The following MYOM3 variants were observed in gnomAD, a reference collection of about 807,000 sequenced individuals.
The protein encoded by MYOM3 is myomesin 3, also known as myomesin-3.
A neutral mutation model predicts 191.7 loss-of-function variants in MYOM3; 155 were observed. That is an observed-to-expected ratio of 0.81 (90% CI 0.71 to 0.92). MYOM3 has a LOEUF of 0.92. MYOM3 is among the 40% of genes least tolerant of loss of function. MYOM3 has a pLI of 0.00. For missense variants in MYOM3, 1,889 were observed against 1,890.6 expected (o/e 1.00, Z 0.02); for synonymous variants, 757 against 762.9 (o/e 0.99, Z 0.13).
At chr1:24,100,692 C>T (rs533882328) in intron 5 of MYOM3, among the ~76,000 whole-genome samples, 1 of 152,270 alleles carries the variant, frequency 6.6e-6, no homozygotes, top group East Asian at 1.9e-4. Context: ...CGAGACTATC[C>T]TGGCTAACAC....
At chr1:24,065,748 G>T (rs769748084) in intron 29 of MYOM3, 143 bp downstream of exon 29, 6 of 717,310 alleles carry the variant, frequency 8.4e-6, no homozygotes, top group Admixed American at 2.1e-5. Flanking sequence ...TGAGTTTTTT[G>T]GTGCCTCTTA....
intron 5 of MYOM3, among the ~76,000 whole-genome samples, chr1:24,100,716 T>C (rs6667708): frequency 0.35 from 53,587 of 151,784 alleles, 9,714 homozygotes; most frequent in Non-Finnish European, 0.37. Context: ...GAAACCCCGT[T>C]TCTCCTAAAA....
intron 25 of MYOM3, among the ~76,000 whole-genome samples, chr1:24,068,778 C>T (rs953688306): frequency 1.3e-5 from 2 of 152,076 alleles, no homozygotes; most frequent in African/African-American, 4.8e-5. Context: ...GGCTGGAGTG[C>T]AGTGGCGCAA....
In MYOM3 at chr1:24,082,048, C is replaced by T; in HGVS notation, c.2233G>A (p.Asp745Asn). 6.2e-7 allele frequency: 1 copy of T among 1,612,156 alleles called. No individual in the cohort carries two copies. The highest frequency in any genetic ancestry group is 8.5e-7 in the Non-Finnish European group (1 of 1,179,878). ...FLDQHDSEEL[D>N]WHAVNQQPIP... The stretch of plus-strand genomic sequence containing the variant: ...GGCTGCTGATTGACCGCATGCCAGT[C>T]CAGCTCTTCCGAGTCATGCTGGTCC... The change falls in exon 18 of 37, where the codon GAC (aspartate) becomes AAC (asparagine). Residue 745 changes from aspartate (D) to asparagine (N), a missense_variant. Asp to Asn is a conservative substitution (Grantham distance 23, BLOSUM62 1). Transcript: ENST00000374434.
At chr1:24,107,430 T>G (rs1266667031) in intron 3 of MYOM3, among the ~76,000 whole-genome samples, 198 bp from the exon 4 acceptor site, 1 of 152,212 alleles carries the variant, frequency 6.6e-6, no homozygotes, top group Non-Finnish European at 1.5e-5. Context: ...GTTGACTGTT[T>G]TCATTGTTTT....
chr1:24,058,850 T>C (rs1643333543), intron 36 of MYOM3, 74 bp downstream of exon 36: 1 of 1,110,132 alleles, frequency 9.0e-7, no homozygotes, highest in African/African-American at 1.5e-5. Context: ...TGCTGCATTG[T>C]TTCGTGATCT....
Position 24,087,997 on chromosome 1 carries a change from C to A in MYOM3, c.1615-1170G>T, listed in dbSNP as rs989999944. Among the ~76,000 whole-genome samples, 3 of 152,190 alleles carry A rather than the reference C, an allele frequency of 2.0e-5. No homozygotes were observed. Among genetic ancestry groups the A allele is most frequent in the Non-Finnish European group, 4.4e-5 (3 of 68,042 alleles). ...GGTAACTTGGCCAAAAGTCCTGCAT[C>A]TAATAACTGGTGGATATAGTATTAA... On this transcript the variant is annotated intron_variant, in intron 14 of 36. Coordinates refer to ENST00000374434, the MANE Select transcript of MYOM3 (RefSeq NM_152372.4). The surrounding 1 kb of genome is among the most constrained non-coding windows in gnomAD (Gnocchi z 4.5).
At chr1:24,089,695 G>A (rs1340081247) in intron 13 of MYOM3, 30 bp from the exon 14 acceptor site, 1 of 1,550,674 alleles carries the variant, frequency 6.4e-7, no homozygotes, top group African/African-American at 1.4e-5. Flanking sequence ...GGACCGAGAT[G>A]GTTGGACCCT....
chr1:24,064,317 C>T (rs1434159467), intron 29 of MYOM3, 158 bp from the exon 30 acceptor site: 6 of 588,166 alleles, frequency 1.0e-5, no homozygotes, highest in Admixed American at 3.1e-5. Flanking sequence ...CTCATCTGGG[C>T]TGGGTGAGCT....
chr1:24,086,761 C>G lies in MYOM3; in HGVS notation c.1681G>C (p.Ala561Pro). ...SESPVRSPRF[A>P]VLDLEKKKSY... Reference sequence around the variant, plus strand: ...TTCTTTTTCTCCAGGTCCAGAACGGCGAATCTCGGGGATCTCACAGGGCTT... The same window carrying G: ...TTCTTTTTCTCCAGGTCCAGAACGGGGAATCTCGGGGATCTCACAGGGCTT... Residue 561 changes from alanine (A) to proline (P), a missense_variant, in exon 15 of 37, where the codon GCC (alanine) becomes CCC (proline). Coordinates refer to ENST00000374434, the MANE Select transcript of MYOM3 (RefSeq NM_152372.4). 1.2e-6 allele frequency: 2 copies of G among 1,614,202 alleles called. No homozygotes were observed. Among genetic ancestry groups the G allele is most frequent in the Non-Finnish European group, 1.7e-6 (2 of 1,180,020 alleles).
intron 36 of MYOM3, among the ~76,000 whole-genome samples, chr1:24,057,955 C>T (rs752902336): frequency 5.9e-5 from 9 of 152,004 alleles, no homozygotes; most frequent in South Asian, 2.1e-4. Context: ...TACAGGTGCC[C>T]GCCACCAAGC....
At position 24,066,015 on chromosome 1, in the gene MYOM3, G is replaced by A. The variant is rs1390301210; in HGVS notation, c.3424-14C>T. Reference sequence around the variant, plus strand: ...GGTGTTGGTCACCTGGGGAAGGTGGGGAATGAGGAGACTCTGTCAGGCTTG... The same window carrying A: ...GGTGTTGGTCACCTGGGGAAGGTGGAGAATGAGGAGACTCTGTCAGGCTTG... On this transcript the variant is annotated splice_polypyrimidine_tract_variant and intron_variant, in intron 28 of 36. Transcript: ENST00000374434. 6.6e-7 allele frequency: 1 copy of A among 1,522,940 alleles called. No individual in the cohort carries two copies. Among genetic ancestry groups the A allele is most frequent in the Non-Finnish European group, 9.1e-7 (1 of 1,096,486 alleles). 94.3% of individuals were successfully genotyped at this position (1,522,940 alleles called of 1,614,324 possible). A position where few individuals can be genotyped will look rare whatever the true frequency, so the allele number is the denominator to read the frequency against.
At chr1:24,071,868 G>T in intron 24 of MYOM3, 101 bp downstream of exon 24, 1 of 1,205,820 alleles carries the variant, frequency 8.3e-7, no homozygotes, top group Non-Finnish European at 1.2e-6. Flanking sequence ...TGTCCCTCTG[G>T]GGTTGTTTCC....
chr1:24,071,912 A>T, intron 24 of MYOM3, 57 bp downstream of exon 24: 1 of 1,568,614 alleles, frequency 6.4e-7, no homozygotes, highest in Non-Finnish European at 8.8e-7. Flanking sequence ...TGCTCAGAAC[A>T]TGCCAATGGG....
At position 24,063,129 on chromosome 1, in the gene MYOM3, T is replaced by TG; in HGVS notation, c.3766dup (p.His1256ProfsTer10). 6.2e-7 allele frequency: 1 copy of TG among 1,605,268 alleles called. No homozygotes were observed. Among genetic ancestry groups the TG allele is most frequent in the South Asian group, 1.1e-5 (1 of 90,936 alleles). On this transcript the variant is annotated frameshift_variant, in exon 32 of 37. Transcript: ENST00000374434. LOFTEE classifies it high-confidence loss of function. This position sits in a 1 kb window ranked among gnomAD's most constrained non-coding sequence, Gnocchi z 4.5. Reference sequence around the variant, plus strand: ...TTCTGGGGCAAGGCGGACTTACTTGTGGAACCAGGTGGTTTTCATGTACTC... The same window carrying TG: ...TTCTGGGGCAAGGCGGACTTACTTGTGGGAACCAGGTGGTTTTCATGTACTC...
intron 8 of MYOM3, 142 bp from the exon 9 acceptor site, chr1:24,095,132 G>A: frequency 1.1e-6 from 1 of 889,978 alleles, no homozygotes; most frequent in Non-Finnish European, 1.7e-6. Flanking sequence ...GGGTAGGAGG[G>A]GAAGAGACTT....
intron 11 of MYOM3, 113 bp from the exon 12 acceptor site, chr1:24,091,109 C>G: frequency 8.2e-7 from 1 of 1,223,592 alleles, no homozygotes; most frequent in African/African-American, 1.5e-5. Context: ...CTCATCTCTG[C>G]CAATTAAAGT....
rs540783256 is a variant in MYOM3 at position 24,064,767 on chromosome 1, C to A, written c.3535-608G>T. Among the ~76,000 whole-genome samples, 14 of 152,328 alleles carry A rather than the reference C, an allele frequency of 9.2e-5. No homozygotes were observed. The East Asian group carries it at 2.5e-3, about 27-fold the overall frequency. On this transcript the variant is annotated intron_variant, in intron 29 of 36. Coordinates refer to ENST00000374434, the MANE Select transcript of MYOM3 (RefSeq NM_152372.4). ...AGCCCTCATCTCTCAATACTTCCCACCAGGACCATCTCCACACAGTGGGTT... is the reference window on the plus strand; with the variant it reads ...AGCCCTCATCTCTCAATACTTCCCAACAGGACCATCTCCACACAGTGGGTT...
At chr1:24,086,955 C>T (rs1643757851) in intron 14 of MYOM3, 128 bp from the exon 15 acceptor site, 3 of 959,688 alleles carry the variant, frequency 3.1e-6, no homozygotes, top group Admixed American at 5.1e-5. Context: ...CCAGGCTGCC[C>T]CTGAGCATGG....
Sources: gnomAD v4.1 joint callset for allele counts (sites outside exome capture counted in the v4.1 genomes callset) on GRCh38, gnomAD v4.1.1 for gene constraint, Gnocchi (gnomAD v3.1) non-coding constraint, MANE v1.5 for transcripts, NCBI Gene and HGNC (gene_info 2026-07-23, HGNC 2026-07-21) for gene names.